Variants in ZC2HC1B observed in about 807,000 individuals in gnomAD.
ZC2HC1B encodes the protein zinc finger C2HC domain-containing protein 1B.
A neutral mutation model predicts 31.0 loss-of-function variants in ZC2HC1B; 36 were observed. The observed-to-expected ratio is 1.16, with a 90% CI of 0.89 to 1.54. The LOEUF (loss-of-function observed/expected upper bound fraction) is 1.54. Ranked by LOEUF, ZC2HC1B falls within the 40% of genes most tolerant of loss-of-function variation. ZC2HC1B has a pLI of 0.00. For missense variants in ZC2HC1B, 260 were observed against 268.6 expected (o/e 0.97, Z 0.22); for synonymous variants, 73 against 88.0 (o/e 0.83, Z 0.95).
In ZC2HC1B at chr6:143,869,031, A is replaced by C. The variant is rs1262098433; in HGVS notation, c.28+4464A>C. Among the ~76,000 whole-genome samples the C allele has an allele frequency of 6.6e-6, 1 of 152,224 alleles. No individual in the cohort carries two copies. The highest frequency in any genetic ancestry group is 1.5e-5 in the Non-Finnish European group (1 of 68,034). On this transcript the variant is annotated intron_variant, in intron 1 of 7. Coordinates refer to ENST00000237275, the MANE Select transcript of ZC2HC1B (RefSeq NM_001013623.3). This position sits in a 1 kb window ranked among gnomAD's most constrained non-coding sequence, Gnocchi z 5.2. ...GGTCACGTGGTCATAGCTGGTATTG[A>C]TGACTACATTCTTCTACTACCCATT...
At chr6:143,912,348 G>A (rs1385178576) in intron 6 of ZC2HC1B, among the ~76,000 whole-genome samples, 1 of 152,192 alleles carries the variant, frequency 6.6e-6, no homozygotes, top group African/African-American at 2.4e-5. Flanking sequence ...GGGCACTCTG[G>A]CTTTTTGAGT....
chr6:143,930,935 G>T (rs1778111647), intron 6 of ZC2HC1B, among the ~76,000 whole-genome samples: 1 of 152,166 alleles, frequency 6.6e-6, no homozygotes, highest in Non-Finnish European at 1.5e-5. Context: ...TGATTTTTCT[G>T]TCTTGATGAT....
rs1777947931 is a variant in ZC2HC1B at position 143,918,639 on chromosome 6, T to C, written c.598+15487T>C. Among the ~76,000 whole-genome samples the C allele has an allele frequency of 6.6e-6, 1 of 152,218 alleles. No homozygotes were observed. The highest frequency in any genetic ancestry group is 1.5e-5 in the Non-Finnish European group (1 of 68,036). The stretch of plus-strand genomic sequence containing the variant: ...GGCAAGTTTTCAGCCATTATTTCTC[T>C]CTGCTCTTTTCTCTCTCTGCTCCTT... On this transcript the variant is annotated intron_variant, in intron 6 of 7. Coordinates refer to ENST00000237275, the MANE Select transcript of ZC2HC1B (RefSeq NM_001013623.3). The surrounding 1 kb of genome is among the most constrained non-coding windows in gnomAD (Gnocchi z 4.1).
intron 1 of ZC2HC1B, among the ~76,000 whole-genome samples, chr6:143,877,518 G>C (rs984762817): frequency 1.3e-5 from 2 of 149,472 alleles, no homozygotes; most frequent in East Asian, 1.9e-4. Flanking sequence ...ACCAACCTCG[G>C]GTGATCCGCC....
intron 5 of ZC2HC1B, 95 bp from the exon 6 acceptor site, chr6:143,902,949 C>A: frequency 8.8e-7 from 1 of 1,134,120 alleles, no homozygotes; most frequent in Non-Finnish European, 1.3e-6. Flanking sequence ...TACCATTCTG[C>A]TGCTGGTTAA....
intron 6 of ZC2HC1B, among the ~76,000 whole-genome samples, chr6:143,916,750 G>T (rs9496813): frequency 0.043 from 6,539 of 152,268 alleles, 349 homozygotes; most frequent in African/African-American, 0.12. Context: ...TAGCCCCTTT[G>T]TTTGGCCAAT....
At position 143,869,048 on chromosome 6, in the gene ZC2HC1B, C is replaced by A. The variant is rs1325077471; in HGVS notation, c.28+4481C>A. Among the ~76,000 whole-genome samples the A allele has an allele frequency of 6.6e-6, 1 of 152,208 alleles. No homozygotes were observed. Among genetic ancestry groups the A allele is most frequent in the Non-Finnish European group, 1.5e-5 (1 of 68,036 alleles). On this transcript the variant is annotated intron_variant, in intron 1 of 7. Transcript: ENST00000237275. This position sits in a 1 kb window ranked among gnomAD's most constrained non-coding sequence, Gnocchi z 5.2. ...TGGTATTGATGACTACATTCTTCTA[C>A]TACCCATTCTGTATTCCCTTTTTCT...
intron 4 of ZC2HC1B, among the ~76,000 whole-genome samples, chr6:143,892,794 C>T (rs773727230): frequency 6.6e-5 from 10 of 152,050 alleles, no homozygotes; most frequent in Non-Finnish European, 1.5e-4. Flanking sequence ...ACTATATCAA[C>T]CATATATAAA....
chr6:143,935,085 C>T (rs1424374330), intron 6 of ZC2HC1B, among the ~76,000 whole-genome samples: 1 of 151,758 alleles, frequency 6.6e-6, no homozygotes, highest in African/African-American at 2.4e-5. Flanking sequence ...GTGAGCTGGG[C>T]GGCCCCATCC....
intron 4 of ZC2HC1B, among the ~76,000 whole-genome samples, chr6:143,889,186 T>C (rs1777567596): frequency 6.6e-6 from 1 of 152,044 alleles, no homozygotes; most frequent in Non-Finnish European, 1.5e-5. Context: ...AGATACCTAT[T>C]GTAAACTCTA....
intron 4 of ZC2HC1B, among the ~76,000 whole-genome samples, chr6:143,894,392 T>C (rs555244789): frequency 6.6e-6 from 1 of 152,202 alleles, no homozygotes; most frequent in African/African-American, 2.4e-5. Flanking sequence ...TGTATTTTAA[T>C]TGAGGTGGTT....
chr6:143,912,666 A>G (rs1777874061), intron 6 of ZC2HC1B, among the ~76,000 whole-genome samples: 2 of 152,160 alleles, frequency 1.3e-5, no homozygotes, highest in East Asian at 1.9e-4. Context: ...TGCTGGCCCA[A>G]ATTTGCCTGT....
In ZC2HC1B at chr6:143,937,701, A is replaced by G. The variant is rs1205678663; in HGVS notation, c.651A>G (p.Lys217=). The part of the protein sequence containing the change: ...SGAKLRQGFS[K]SSKKD ...CAAAACTCAGACAAGGATTTAGTAA[A>G]TCTTCTAAAAAAGATTAACTCCTAG... is the stretch of plus-strand genomic sequence containing the variant. The change falls in exon 7 of 8, where the codon AAA becomes AAG. Residue 217 remains lysine, a synonymous_variant. Coordinates refer to ENST00000237275, the MANE Select transcript of ZC2HC1B (RefSeq NM_001013623.3). The G allele has an allele frequency of 6.4e-7, 1 of 1,551,140 alleles. No homozygotes were observed. Among genetic ancestry groups the G allele is most frequent in the South Asian group, 1.2e-5 (1 of 83,886 alleles).
chr6:143,875,325 A>ACC (rs1777392610), intron 1 of ZC2HC1B, among the ~76,000 whole-genome samples: 1 of 151,376 alleles, frequency 6.6e-6, no homozygotes, highest in African/African-American at 2.4e-5. Flanking sequence ...GTCTAAAGTG[A>ACC]CTAATCCACT....
intron 6 of ZC2HC1B, among the ~76,000 whole-genome samples, chr6:143,912,576 C>T (rs2128496147): frequency 6.6e-6 from 1 of 152,282 alleles, no homozygotes; most frequent in South Asian, 2.1e-4. Flanking sequence ...CTTGAGGTAT[C>T]ACCTGTGAAG....
In ZC2HC1B at chr6:143,917,977, G is replaced by A. The variant is rs183953084; in HGVS notation, c.598+14825G>A. On this transcript the variant is annotated intron_variant, in intron 6 of 7. Coordinates refer to ENST00000237275, the MANE Select transcript of ZC2HC1B (RefSeq NM_001013623.3). This position sits in a 1 kb window ranked among gnomAD's most constrained non-coding sequence, Gnocchi z 4.1. ...GGAGTTGCAAACCATTATTACAATA[G>A]TACTAGCTTTTATAATTGTCCATGC... Among the ~76,000 whole-genome samples the A allele has an allele frequency of 1.3e-5, 2 of 152,276 alleles. No homozygotes were observed. Among genetic ancestry groups the A allele is most frequent in the Non-Finnish European group, 2.9e-5 (2 of 68,026 alleles).
At position 143,905,767 on chromosome 6, in the gene ZC2HC1B, G is replaced by T. The variant is rs933346038; in HGVS notation, c.598+2615G>T. Among the ~76,000 whole-genome samples the T allele has an allele frequency of 3.3e-5, 5 of 151,926 alleles. No individual in the cohort carries two copies. The highest frequency in any genetic ancestry group is 1.2e-4 in the African/African-American group (5 of 41,344). On this transcript the variant is annotated intron_variant, in intron 6 of 7. Coordinates refer to ENST00000237275, the MANE Select transcript of ZC2HC1B (RefSeq NM_001013623.3). The surrounding 1 kb of genome is among the most constrained non-coding windows in gnomAD (Gnocchi z 4.2). Reference sequence around the variant, plus strand: ...TTGTTGAGTGTTTTTATCATGAAAGGGTGTTGAATTTTCTCAAATGGTTTT... The same window carrying T: ...TTGTTGAGTGTTTTTATCATGAAAGTGTGTTGAATTTTCTCAAATGGTTTT...
chr6:143,914,547 T>G (rs1229776342), intron 6 of ZC2HC1B, among the ~76,000 whole-genome samples: 1 of 152,342 alleles, frequency 6.6e-6, no homozygotes, highest in East Asian at 1.9e-4. Context: ...TTGCTGTTTT[T>G]GAGTAGAGTG....
In ZC2HC1B at chr6:143,915,269, G is replaced by T. The variant is rs1449162862; in HGVS notation, c.598+12117G>T. ...GGAGTTCCCCTGCACAATCTCTGTGGTCTCTTTGCTGCCATGTGAGATATG... is the reference window on the plus strand; with the variant it reads ...GGAGTTCCCCTGCACAATCTCTGTGTTCTCTTTGCTGCCATGTGAGATATG... On this transcript the variant is annotated intron_variant, in intron 6 of 7. Transcript: ENST00000237275. This position sits in a 1 kb window ranked among gnomAD's most constrained non-coding sequence, Gnocchi z 5.2. 6.6e-6 allele frequency among the ~76,000 whole-genome samples: 1 copy of T among 152,154 alleles called. No homozygotes were observed. The highest frequency in any genetic ancestry group is 1.9e-4 in the East Asian group (1 of 5,194).
Sources: allele counts gnomAD v4.1 joint callset (sites outside exome capture counted in the v4.1 genomes callset), GRCh38; gene constraint gnomAD v4.1.1; non-coding constraint Gnocchi (gnomAD v3.1); transcripts MANE v1.5; gene names NCBI Gene and HGNC (gene_info 2026-07-23, HGNC 2026-07-21).